Variants in FYB1 observed in about 807,000 individuals in gnomAD.
FYB1 encodes the protein FYN binding protein 1, also known as FYN-binding protein 1.
In FYB1, 41 loss-of-function variants were observed where a neutral mutation model predicts 94.1. The observed-to-expected ratio is 0.44, with a 90% CI of 0.34 to 0.57. The LOEUF is 0.57. Among genes scored for constraint, FYB1 ranks in the 20% least tolerant of loss-of-function variants. The probability of loss-of-function intolerance (pLI) is 0.02; values close to 1 mark genes in which losing one functional copy is unlikely to be tolerated. For synonymous variants in FYB1, 367 were observed against 353.2 expected (o/e 1.04, Z -0.44); for missense variants, 1,050 against 976.8 (o/e 1.07, Z -1.00).
chr5:39,147,841 C>T (rs1301935390), intron 3 of FYB1, among the ~76,000 whole-genome samples: 3 of 151,424 alleles, frequency 2.0e-5, no homozygotes, highest in Non-Finnish European at 4.4e-5. Context: ...CCACCACGCC[C>T]GGCTAATTTT....
chr5:39,139,415 T>A, intron 4 of FYB1, 163 bp from the exon 5 acceptor site: 1 of 545,066 alleles, frequency 1.8e-6, no homozygotes, highest in Non-Finnish European at 2.9e-6. Flanking sequence ...GTACTTTAGA[T>A]CTTTACTATG....
At chr5:39,123,747 C>T (rs1020512692) in intron 13 of FYB1, among the ~76,000 whole-genome samples, 2 of 152,100 alleles carry the variant, frequency 1.3e-5, no homozygotes, top group African/African-American at 4.8e-5. Flanking sequence ...ATTTTAAAAA[C>T]ATCTAAAGAT....
chr5:39,110,058 C>T (rs534597367), intron 17 of FYB1, among the ~76,000 whole-genome samples: 1 of 152,230 alleles, frequency 6.6e-6, no homozygotes, highest in African/African-American at 2.4e-5. Flanking sequence ...GAAAAGGTTA[C>T]TGGCTTTGAC....
Position 39,141,112 on chromosome 5 carries a change from C to T in FYB1, c.1322G>A (p.Gly441Asp). The T allele has an allele frequency of 6.3e-7, 1 of 1,592,232 alleles. No homozygotes were observed. Among genetic ancestry groups the T allele is most frequent in the East Asian group, 2.3e-5 (1 of 44,408 alleles). Residue 441 changes from glycine (G) to aspartate (D), a missense_variant, in exon 4 of 19, where the codon GGT becomes GAT. Physicochemically the swap from Gly to Asp is moderately conservative, Grantham distance 94 (BLOSUM62 -1). Coordinates refer to ENST00000512982, the MANE Select transcript of FYB1 (RefSeq NM_001465.6). Reference protein sequence around the residue: ...KSPVNEDNQDGVTHSDGAGNL... With the variant: ...KSPVNEDNQDDVTHSDGAGNL... ...TCGTTTACCATCAGAGTGCGTGACA[C>T]CATCTTGATTGTCTTCATTGACAGG...
At chr5:39,230,919 T>A (rs1750704225) in intron 1 of FYB1, among the ~76,000 whole-genome samples, 1 of 150,828 alleles carries the variant, frequency 6.6e-6, no homozygotes, top group Non-Finnish European at 1.5e-5. Context: ...GTAGAGTGAA[T>A]GGAATGACTG....
intron 2 of FYB1, among the ~76,000 whole-genome samples, chr5:39,201,166 C>T (rs1748282158): frequency 6.6e-6 from 1 of 152,152 alleles, no homozygotes; most frequent in Non-Finnish European, 1.5e-5. Context: ...GCTCCTTTCT[C>T]ATTTGAATAC....
intron 2 of FYB1, among the ~76,000 whole-genome samples, chr5:39,174,524 AG>A (rs1368567775): frequency 6.6e-6 from 1 of 152,238 alleles, no homozygotes; most frequent in Non-Finnish European, 1.5e-5. Flanking sequence ...ATTTAGACTT[AG>A]GGATGACATA....
intron 1 of FYB1, chr5:39,270,703 C>A: frequency 1.4e-6 from 1 of 727,928 alleles, no homozygotes; most frequent in Non-Finnish European, 2.1e-6. Context: ...CCAGCTTTCA[C>A]ACATTGATAT....
At position 39,232,547 on chromosome 5, in the gene FYB1, ATTTT is replaced by A. The variant is rs112022910; in HGVS notation, c.-27-29564_-27-29561del. 6.6e-3 allele frequency among the ~76,000 whole-genome samples: 986 copies of A among 149,980 alleles called. 16 individuals are homozygous for A. Among genetic ancestry groups the A allele is most frequent in the African/African-American group, 0.023 (935 of 40,184 alleles). On this transcript the variant is annotated intron_variant, in intron 1 of 1. Coordinates refer to the FYB1 transcript ENST00000510188. ...ATTTTATTTATTTATTTATTTATTTATTTTTTATTTATTTTTTTTGCTTTTTTTA... is the reference window on the plus strand; with the variant it reads ...ATTTTATTTATTTATTTATTTATTTATTATTTATTTTTTTTGCTTTTTTTA...
chr5:39,261,327 T>A (rs59368260), intron 1 of FYB1, among the ~76,000 whole-genome samples: 16,060 of 87,594 alleles, frequency 0.18, 1,204 homozygotes, highest in African/African-American at 0.29. Context: ...AAAGAACGTG[T>A]GTAGATTAAG....
intron 1 of FYB1, among the ~76,000 whole-genome samples, chr5:39,238,738 G>A (rs553889393): frequency 9.9e-5 from 15 of 152,204 alleles, no homozygotes; most frequent in African/African-American, 3.4e-4. Flanking sequence ...CAAAGATTAA[G>A]GAGCATAGAT....
upstream of FYB1, among the ~76,000 whole-genome samples, chr5:39,223,571 G>A (rs79862412): frequency 0.016 from 2,482 of 152,268 alleles, 66 homozygotes; most frequent in African/African-American, 0.054. Context: ...ATCTGCTACA[G>A]AATCAAGCTA....
At chr5:39,235,340 G>A (rs1418257486) in intron 1 of FYB1, among the ~76,000 whole-genome samples, 3 of 151,748 alleles carry the variant, frequency 2.0e-5, no homozygotes. Flanking sequence ...ATGAACAAAG[G>A]TGACATTTTT....
chr5:39,188,367 A>G (rs1400167791), intron 2 of FYB1, among the ~76,000 whole-genome samples: 1 of 152,130 alleles, frequency 6.6e-6, no homozygotes, highest in Non-Finnish European at 1.5e-5. Flanking sequence ...TGATGTAATC[A>G]CTAACTGCTA....
Position 39,216,934 on chromosome 5 carries a change from A to C in FYB1, c.-28+2509T>G, listed in dbSNP as rs752029324. Among the ~76,000 whole-genome samples, 122 of 152,204 alleles carry C rather than the reference A, an allele frequency of 8.0e-4. 1 individual carries two copies. The highest frequency in any genetic ancestry group is 1.5e-3 in the Non-Finnish European group (102 of 68,032). On this transcript the variant is annotated intron_variant, in intron 1 of 18. Coordinates refer to ENST00000512982, the MANE Select transcript of FYB1 (RefSeq NM_001465.6). ...AGCTAAATGATTTTCCTGGTTTCTTATCTGTTTAGAGAGGCTGATTAGCAG... is the reference window on the plus strand; with the variant it reads ...AGCTAAATGATTTTCCTGGTTTCTTCTCTGTTTAGAGAGGCTGATTAGCAG...
chr5:39,133,345 C>A (rs1317048951), intron 9 of FYB1, among the ~76,000 whole-genome samples: 2 of 152,110 alleles, frequency 1.3e-5, no homozygotes, highest in Non-Finnish European at 2.9e-5. Context: ...AAGTTCTGAA[C>A]TGGACCAGAG....
At chr5:39,257,627 G>A (rs1485318664) in intron 1 of FYB1, among the ~76,000 whole-genome samples, 2 of 152,100 alleles carry the variant, frequency 1.3e-5, no homozygotes, top group Non-Finnish European at 2.9e-5. Context: ...GAGAAGAACT[G>A]AAATAGAAAT....
intron 15 of FYB1, 103 bp downstream of exon 15, chr5:39,119,432 T>TA (rs1333029220): frequency 7.1e-6 from 6 of 844,612 alleles, no homozygotes; most frequent in Non-Finnish European, 1.0e-5. Flanking sequence ...TTTTGTTACT[T>TA]AAAAATCATT....
Position 39,126,823 on chromosome 5 carries a change from C to T in FYB1, c.1908-688G>A, listed in dbSNP as rs1580331365. ...CCTGTAATCCCAGCACTTTGGGAGG[C>T]TAGGGCAGGCAGATCACCCGAGATC... On this transcript the variant is annotated intron_variant, in intron 11 of 18. Coordinates refer to ENST00000512982, the MANE Select transcript of FYB1 (RefSeq NM_001465.6). Among the ~76,000 whole-genome samples, 4 of 151,268 alleles carry T rather than the reference C, an allele frequency of 2.6e-5. No individual in the cohort carries two copies. The South Asian group carries it at 6.2e-4, about 24-fold the overall frequency.
Sources: gnomAD v4.1 joint callset for allele counts (sites outside exome capture counted in the v4.1 genomes callset) on GRCh38, gnomAD v4.1.1 for gene constraint, MANE v1.5 for transcripts, NCBI Gene and HGNC (gene_info 2026-07-23, HGNC 2026-07-21) for gene names.